Variants in ADGRL3 observed in about 807,000 individuals in gnomAD.
The protein encoded by ADGRL3 is calcium-independent alpha-latrotoxin receptor 3.
ADGRL3 carries 62 observed loss-of-function variants against 153.5 expected under a neutral mutation model. The ratio of observed to expected loss-of-function variants is 0.40; its 90% confidence interval spans 0.33 to 0.50. The LOEUF is 0.50. Among genes scored for constraint, ADGRL3 ranks in the 20% least tolerant of loss-of-function variants. The pLI, the probability that ADGRL3 is intolerant of heterozygous loss-of-function variation, is 0.47. For missense variants in ADGRL3, 1,641 were observed against 1,859.4 expected, an observed-to-expected ratio of 0.88 and a Z score of 2.16; for synonymous variants, 710 against 672.5, an observed-to-expected ratio of 1.06 and a Z score of -0.86.
chr4:61,342,904 T>C (rs759802028), intron 1 of ADGRL3, among the ~76,000 whole-genome samples: 5 of 152,054 alleles, frequency 3.3e-5, no homozygotes, highest in Non-Finnish European at 7.4e-5. Context: ...AGGAAAAAGG[T>C]TTAATTGACT....
At chr4:61,645,728 T>C (rs1426260098) in intron 5 of ADGRL3, among the ~76,000 whole-genome samples, 1 of 151,932 alleles carries the variant, frequency 6.6e-6, no homozygotes, top group African/African-American at 2.4e-5. Flanking sequence ...ATTTTTTCCT[T>C]CATTTCAACT....
chr4:61,624,312 T>C (rs1208955175), intron 5 of ADGRL3, among the ~76,000 whole-genome samples: 1 of 151,848 alleles, frequency 6.6e-6, no homozygotes, highest in African/African-American at 2.4e-5. Flanking sequence ...GTTATTAGAG[T>C]CTAAGGGAGC....
At chr4:61,479,682 A>G (rs2098111445) in intron 2 of ADGRL3, among the ~76,000 whole-genome samples, 1 of 152,166 alleles carries the variant, frequency 6.6e-6, no homozygotes, top group Non-Finnish European at 1.5e-5. Flanking sequence ...GAGTAAAAGA[A>G]TGGTGTAAAT....
intron 2 of ADGRL3, among the ~76,000 whole-genome samples, chr4:61,457,960 T>G (rs1004876360): frequency 1.3e-5 from 2 of 151,812 alleles, no homozygotes; most frequent in Non-Finnish European, 3.0e-5. Context: ...ACCATTGATT[T>G]TTAAAGTTTC....
chr4:61,790,699 G>A (rs970406112), intron 8 of ADGRL3, among the ~76,000 whole-genome samples: 1 of 152,154 alleles, frequency 6.6e-6, no homozygotes, highest in Non-Finnish European at 1.5e-5. Flanking sequence ...GTATTAGACT[G>A]TTCTCATGCT....
intron 4 of ADGRL3, among the ~76,000 whole-genome samples, chr4:61,521,558 G>T (rs2098531132): frequency 6.6e-6 from 1 of 152,134 alleles, no homozygotes; most frequent in African/African-American, 2.4e-5. Flanking sequence ...TCATGTTGAT[G>T]CAGATAGATA....
intron 1 of ADGRL3, among the ~76,000 whole-genome samples, chr4:61,241,144 T>A (rs1754772048): frequency 6.6e-6 from 1 of 152,024 alleles, no homozygotes; most frequent in Admixed American, 6.6e-5. Context: ...CTTTTATAAT[T>A]CCTAGGAAGC....
At chr4:61,474,028 GA>G (rs914527124) in intron 2 of ADGRL3, among the ~76,000 whole-genome samples, 103 of 149,282 alleles carry the variant, frequency 6.9e-4, no homozygotes, top group Admixed American at 1.1e-3. Context: ...CTTTGCAGAG[GA>G]AAAAAAAAAT....
At chr4:61,554,058 A>G (rs1442244720) in intron 4 of ADGRL3, among the ~76,000 whole-genome samples, 4 of 151,666 alleles carry the variant, frequency 2.6e-5, no homozygotes, top group African/African-American at 9.7e-5. Flanking sequence ...AAGAATCTCA[A>G]AGTCAAAGCT....
intron 1 of ADGRL3, among the ~76,000 whole-genome samples, chr4:61,243,933 T>G (rs1756018244): frequency 6.6e-6 from 1 of 152,060 alleles, no homozygotes; most frequent in Admixed American, 6.6e-5. Context: ...CTAAAAATAT[T>G]TTCATGAAAT....
chr4:61,353,997 G>T (rs902945533), intron 1 of ADGRL3, among the ~76,000 whole-genome samples: 15 of 151,784 alleles, frequency 9.9e-5, no homozygotes, highest in Non-Finnish European at 2.1e-4. Context: ...GCAGTGCTTT[G>T]TATTTATTTC....
In ADGRL3 at chr4:61,885,804, C is replaced by G. The variant is rs530516316; in HGVS notation, c.1481-6852C>G. Among the ~76,000 whole-genome samples the G allele has an allele frequency of 8.5e-5, 13 of 152,250 alleles. No individual in the cohort carries two copies. The East Asian group carries it at 2.5e-3, about 29-fold the overall frequency. On this transcript the variant is annotated intron_variant, in intron 9 of 26. Transcript: ENST00000683033. Reference sequence around the variant, plus strand: ...GCTCGGGGGAATTATTTAATTTAACCTATTTCATCTCTGAAATGAAGATGA... The same window carrying G: ...GCTCGGGGGAATTATTTAATTTAACGTATTTCATCTCTGAAATGAAGATGA...
chr4:62,039,420 A>G (rs1726929046), intron 24 of ADGRL3, among the ~76,000 whole-genome samples: 1 of 152,182 alleles, frequency 6.6e-6, no homozygotes, highest in African/African-American at 2.4e-5. Flanking sequence ...ATTTCCAATT[A>G]AAATTTTAAA....
At chr4:61,650,379 A>T (rs2150371473) in intron 5 of ADGRL3, among the ~76,000 whole-genome samples, 1 of 151,960 alleles carries the variant, frequency 6.6e-6, no homozygotes, top group East Asian at 1.9e-4. Context: ...AGCAATGAGT[A>T]AAAGCATGTT....
chr4:61,883,842 A>T (rs1235163917), intron 9 of ADGRL3, among the ~76,000 whole-genome samples: 1 of 152,060 alleles, frequency 6.6e-6, no homozygotes, highest in Non-Finnish European at 1.5e-5. Context: ...ACTCTTCTTG[A>T]GGGTAGTACT....
At chr4:61,667,401 G>C (rs2094837435) in intron 5 of ADGRL3, among the ~76,000 whole-genome samples, 1 of 151,974 alleles carries the variant, frequency 6.6e-6, no homozygotes, top group Non-Finnish European at 1.5e-5. Flanking sequence ...TAGAGCATAG[G>C]CAAATAAGAT....
intron 8 of ADGRL3, among the ~76,000 whole-genome samples, chr4:61,795,128 G>T: frequency 6.6e-6 from 1 of 152,116 alleles, no homozygotes. Flanking sequence ...TCAGTTTTAT[G>T]CTCAACCTAA....
At chr4:61,920,796 C>T (rs1430808909) in intron 13 of ADGRL3, among the ~76,000 whole-genome samples, 2 of 152,152 alleles carry the variant, frequency 1.3e-5, no homozygotes, top group Non-Finnish European at 2.9e-5. Context: ...CCTTTTAGTA[C>T]TTTCCAGGAG....
chr4:61,426,440 C>T (rs1027964658), intron 2 of ADGRL3, among the ~76,000 whole-genome samples: 11 of 117,474 alleles, frequency 9.4e-5, no homozygotes, highest in South Asian at 3.0e-4. Flanking sequence ...CATGCCCCAT[C>T]GGGAATGGGG....
Sources: gnomAD v4.1 joint callset for allele counts (sites outside exome capture counted in the v4.1 genomes callset) on GRCh38, gnomAD v4.1.1 for gene constraint, MANE v1.5 for transcripts, NCBI Gene and HGNC (gene_info 2026-07-23, HGNC 2026-07-21) for gene names.